ADGB: variants seen among roughly 807,000 people sequenced by gnomAD.
ADGB encodes the protein androglobin.
In ADGB, 172 loss-of-function variants were observed where a neutral mutation model predicts 210.5. The ratio of observed to expected loss-of-function variants is 0.82; its 90% CI spans 0.72 to 0.93. The LOEUF (loss-of-function observed/expected upper bound fraction) is 0.93. Among genes scored for constraint, ADGB ranks in the 40% least tolerant of loss-of-function variants. The probability of loss-of-function intolerance (pLI) is 0.00; values close to 1 mark genes in which losing one functional copy is unlikely to be tolerated. For synonymous variants in ADGB, 658 were observed against 662.7 expected (o/e 0.99, Z 0.11); for missense variants, 2,025 against 1,964.8 (o/e 1.03, Z -0.58).
At chr6:146,731,416 A>T (rs1776985833) in intron 20 of ADGB, among the ~76,000 whole-genome samples, 1 of 150,872 alleles carries the variant, frequency 6.6e-6, no homozygotes, top group East Asian at 2.0e-4. Flanking sequence ...CGCAATCCGT[A>T]TTCAACACCT....
intron 23 of ADGB, among the ~76,000 whole-genome samples, chr6:146,740,010 A>T (rs547695270): frequency 2.0e-4 from 31 of 152,314 alleles, no homozygotes; most frequent in African/African-American, 7.5e-4. Flanking sequence ...TTAAATTTTT[A>T]AAATCTATTT....
intron 1 of ADGB, among the ~76,000 whole-genome samples, chr6:146,629,969 G>T (rs370722919): frequency 6.6e-6 from 1 of 152,294 alleles, no homozygotes; most frequent in South Asian, 2.1e-4. Context: ...AGGCACTGTG[G>T]CTCGTGCCTA....
At chr6:146,802,120 A>T in intron 35 of ADGB, 109 bp downstream of exon 35, 1 of 765,060 alleles carries the variant, frequency 1.3e-6, no homozygotes, top group Admixed American at 4.1e-5. Context: ...TCTTGAAAAC[A>T]TAGGTTTCTA....
chr6:146,690,176 G>C (rs1362606831), intron 10 of ADGB, among the ~76,000 whole-genome samples: 1 of 152,136 alleles, frequency 6.6e-6, no homozygotes, highest in African/African-American at 2.4e-5. Flanking sequence ...AGAGTTGTGA[G>C]AGCAAGGCAG....
intron 1 of ADGB, among the ~76,000 whole-genome samples, chr6:146,610,303 C>G (rs1053573652): frequency 1.3e-5 from 2 of 152,200 alleles, no homozygotes; most frequent in Admixed American, 1.3e-4. Flanking sequence ...TCTCCGCAAT[C>G]TATGTTACCA....
At chr6:146,658,340 G>A (rs1263082535) in intron 5 of ADGB, among the ~76,000 whole-genome samples, 1 of 152,026 alleles carries the variant, frequency 6.6e-6, no homozygotes, top group South Asian at 2.1e-4. Context: ...TAGACTTTAA[G>A]TTTTAAATCT....
At chr6:146,698,518 A>G (rs1041028128) in intron 12 of ADGB, among the ~76,000 whole-genome samples, 2 of 152,092 alleles carry the variant, frequency 1.3e-5, no homozygotes, top group Non-Finnish European at 2.9e-5. Context: ...TTCTTCAAAT[A>G]TTTTACCTTT....
At chr6:146,622,567 A>G (rs1780910426) in intron 1 of ADGB, among the ~76,000 whole-genome samples, 1 of 152,094 alleles carries the variant, frequency 6.6e-6, no homozygotes, top group South Asian at 2.1e-4. Context: ...ATGTACTCTT[A>G]TGTTAGAGTA....
chr6:146,620,852 T>G (rs540957312), intron 1 of ADGB, among the ~76,000 whole-genome samples: 1 of 152,280 alleles, frequency 6.6e-6, no homozygotes, highest in South Asian at 2.1e-4. Flanking sequence ...TCATATTTCC[T>G]GAGTTTTCGC....
At chr6:146,766,341 C>T (rs1235928851) in intron 28 of ADGB, among the ~76,000 whole-genome samples, 1 of 151,772 alleles carries the variant, frequency 6.6e-6, no homozygotes, top group Admixed American at 6.6e-5. Flanking sequence ...GCATGAGAAC[C>T]GCTTGAACCT....
chr6:146,748,844 T>C (rs1777279978), intron 26 of ADGB, among the ~76,000 whole-genome samples: 1 of 152,184 alleles, frequency 6.6e-6, no homozygotes, highest in Non-Finnish European at 1.5e-5. Flanking sequence ...CCTCCCAAAG[T>C]GCTGGGTTTA....
intron 3 of ADGB, 117 bp from the exon 4 acceptor site, chr6:146,654,018 G>C (rs1336248184): frequency 5.6e-6 from 3 of 533,390 alleles, no homozygotes; most frequent in Non-Finnish European, 9.7e-6. Flanking sequence ...GCCAAGGTCT[G>C]ATTGCAAAAA....
At chr6:146,735,166 T>C (rs976988063) in intron 22 of ADGB, among the ~76,000 whole-genome samples, 4 of 152,228 alleles carry the variant, frequency 2.6e-5, no homozygotes, top group African/African-American at 9.6e-5. Context: ...TCTAATTCAA[T>C]GGGTTTTTTC....
Position 146,712,188 on chromosome 6 carries a change from T to TG in ADGB, c.1708-3194_1708-3193insG, listed in dbSNP as rs1200864013. On this transcript the variant is annotated intron_variant, in intron 13 of 35. Coordinates refer to ENST00000397944, the MANE Select transcript of ADGB (RefSeq NM_024694.4). ...CCTTGGTATGGGTTTTGTTTTGTTT[T>TG]TTTTTGTTTTGTTTGAGACAGAGTC... 4.6e-5 allele frequency among the ~76,000 whole-genome samples: 7 copies of TG among 151,786 alleles called. No homozygotes were observed. The East Asian group carries it at 7.7e-4, about 17-fold the overall frequency.
intron 10 of ADGB, among the ~76,000 whole-genome samples, chr6:146,688,276 T>C (rs184374288): frequency 4.6e-5 from 7 of 151,274 alleles, no homozygotes; most frequent in African/African-American, 9.8e-5. Flanking sequence ...AGTGAACATA[T>C]GGTTAAATGA....
chr6:146,672,974 A>T (rs1583584081), intron 8 of ADGB, among the ~76,000 whole-genome samples: 1 of 151,674 alleles, frequency 6.6e-6, no homozygotes, highest in Admixed American at 6.6e-5. Flanking sequence ...CAGGTGATCC[A>T]CCCGCCTCAG....
chr6:146,814,890 A>G, intron 35 of ADGB, 142 bp from the exon 36 acceptor site: 2 of 726,026 alleles, frequency 2.8e-6, no homozygotes, highest in Non-Finnish European at 4.4e-6. Context: ...TGTTGAGACC[A>G]TACACTAATT....
chr6:146,618,475 A>T (rs1394661508), intron 1 of ADGB, among the ~76,000 whole-genome samples: 1 of 151,754 alleles, frequency 6.6e-6, no homozygotes, highest in East Asian at 1.9e-4. Context: ...TGGTCTTTCT[A>T]CTTTTTTGAT....
rs761917901 is a variant in ADGB at position 146,666,866 on chromosome 6, C to T, written c.803C>T (p.Ala268Val). The stretch of plus-strand genomic sequence containing the variant: ...CTGGGGGAGTTCACGGTTATTCATG[C>T]GCTCACAGGATGGTTACCAGAAGTC... ...RELGEFTVIHALTGWLPEVIS... is the reference protein window; with the variant it reads ...RELGEFTVIHVLTGWLPEVIS... The change falls in exon 7 of 36, where the codon GCG becomes GTG. Residue 268 changes from alanine to valine, a missense_variant. Coordinates refer to ENST00000397944, the MANE Select transcript of ADGB (RefSeq NM_024694.4). 17 of 1,546,516 alleles carry T rather than the reference C, an allele frequency of 1.1e-5. No homozygotes were observed. The highest frequency in any genetic ancestry group is 4.8e-5 in the South Asian group (4 of 83,530).
Sources: allele counts gnomAD v4.1 joint callset (sites outside exome capture counted in the v4.1 genomes callset), GRCh38; gene constraint gnomAD v4.1.1; transcripts MANE v1.5; gene names NCBI Gene and HGNC (gene_info 2026-07-23, HGNC 2026-07-21).